ADAP1: variants seen among roughly 807,000 people sequenced by gnomAD.
ADAP1 encodes the protein arf-GAP with dual PH domain-containing protein 1.
Under a neutral mutation model 54.9 loss-of-function variants are expected in ADAP1, and 31 were observed. The ratio of observed to expected loss-of-function variants is 0.56; its 90% confidence interval spans 0.42 to 0.76. The LOEUF (loss-of-function observed/expected upper bound fraction) is 0.76, where lower values mean the gene tolerates loss of function less well. Ranked by LOEUF, ADAP1 falls within the 30% of genes least tolerant of loss-of-function variation. The pLI is 0.00. For missense variants in ADAP1, 535 were observed against 512.4 expected, an observed-to-expected ratio of 1.04 and a Z score of -0.42; for synonymous variants, 313 against 202.6, an observed-to-expected ratio of 1.55 and a Z score of -4.63.
chr7:943,317 G>T (rs1193592337), intron 1 of ADAP1, among the ~76,000 whole-genome samples: 1 of 17,800 alleles, frequency 5.6e-5, no homozygotes, highest in Non-Finnish European at 1.0e-4. Context: ...GGAGAGAGGA[G>T]GAGGAAGGGA....
chr7:945,186 C>T lies in ADAP1; in HGVS notation c.82+9210G>A, dbSNP rs912996509. Among the ~76,000 whole-genome samples the T allele has an allele frequency of 2.6e-5, 4 of 152,218 alleles. No homozygotes were observed. On this transcript the variant is annotated intron_variant, in intron 1 of 10. Coordinates refer to ENST00000265846, the MANE Select transcript of ADAP1 (RefSeq NM_006869.4). The surrounding 1 kb of genome is among the most constrained non-coding windows in gnomAD (Gnocchi z 4.2). The stretch of plus-strand genomic sequence containing the variant: ...TGTTTTCCAAGTGACTGAGGCTGGG[C>T]TGGGCAGGCCTCCTTCTCAGGCTGC...
intron 1 of ADAP1, among the ~76,000 whole-genome samples, chr7:952,514 A>G (rs1847295825): frequency 6.6e-6 from 1 of 152,156 alleles, no homozygotes; most frequent in Non-Finnish European, 1.5e-5. Context: ...GCAAAGAAGC[A>G]TAGAGCCCTC....
At chr7:901,860 A>G (rs1583117058) in intron 6 of ADAP1, among the ~76,000 whole-genome samples, 1 of 145,002 alleles carries the variant, frequency 6.9e-6, no homozygotes. Flanking sequence ...CACTGCCCCA[A>G]AGGCCTTGGG....
chr7:933,829 A>G (rs865897621), intron 2 of ADAP1, among the ~76,000 whole-genome samples: 36 of 22,462 alleles, frequency 1.6e-3, no homozygotes, highest in South Asian at 5.2e-3. Context: ...AGAGCCGGGG[A>G]CCGGGGTCAG....
Position 919,916 on chromosome 7 carries a change from G to A in ADAP1, c.388+52C>T, listed in dbSNP as rs552110129. On this transcript the variant is annotated intron_variant, in intron 4 of 10. Coordinates refer to ENST00000265846, the MANE Select transcript of ADAP1 (RefSeq NM_006869.4). Reference sequence around the variant, plus strand: ...GGGAAAGAGATGGGGGAGGGAGGGAGAGAGCCAGGGAGAGGTAGCCGGGAG... The same window carrying A: ...GGGAAAGAGATGGGGGAGGGAGGGAAAGAGCCAGGGAGAGGTAGCCGGGAG... 9.4e-4 allele frequency: 1,295 copies of A among 1,377,626 alleles called. 18 individuals are homozygous for A. The highest frequency in any genetic ancestry group is 8.1e-3 in the South Asian group (677 of 83,314). The allele number at this position is 1,377,626 out of a possible 1,614,324, so 85.3% of individuals were successfully genotyped here.
At chr7:905,695 GAGAAAGGAGAAAGGA>G (rs1845200566) in intron 4 of ADAP1, 1 of 85,860 alleles carries the variant, frequency 1.2e-5, no homozygotes, top group Non-Finnish European at 2.6e-5. Flanking sequence ...AAGGAGAAAG[GAGAAAGGAGAAAGGA>G]GAAAGGAGAA....
chr7:914,300 G>C (rs112538958), intron 4 of ADAP1, among the ~76,000 whole-genome samples: 2 of 152,196 alleles, frequency 1.3e-5, no homozygotes, highest in African/African-American at 2.4e-5. Flanking sequence ...CCTTCCTCCC[G>C]GGCCCTGCCG....
intron 1 of ADAP1, among the ~76,000 whole-genome samples, chr7:948,683 C>T (rs1218707269): frequency 6.6e-6 from 1 of 152,018 alleles, no homozygotes; most frequent in Non-Finnish European, 1.5e-5. Context: ...GTTTACGGGG[C>T]ATCCAAGATT....
At position 946,454 on chromosome 7, in the gene ADAP1, C is replaced by T. The variant is rs941471407; in HGVS notation, c.82+7942G>A. Among the ~76,000 whole-genome samples the T allele has an allele frequency of 4.6e-5, 7 of 152,208 alleles. No individual in the cohort carries two copies. Among genetic ancestry groups the T allele is most frequent in the Non-Finnish European group, 7.3e-5 (5 of 68,034 alleles). On this transcript the variant is annotated intron_variant, in intron 1 of 10. Transcript: ENST00000265846. The surrounding 1 kb of genome is among the most constrained non-coding windows in gnomAD (Gnocchi z 4.3). ...CAGGACCCAGATCCGCTGGCCCCTA[C>T]CCGGTTCAGGGACACGTGCCCCTCT...
intron 4 of ADAP1, among the ~76,000 whole-genome samples, chr7:915,997 C>T (rs1413392125): frequency 6.6e-6 from 1 of 152,236 alleles, no homozygotes; most frequent in African/African-American, 2.4e-5. Context: ...CTGCCACCTG[C>T]ACGCACCCCC....
intron 4 of ADAP1, among the ~76,000 whole-genome samples, chr7:913,700 C>A (rs1014527957): frequency 1.3e-5 from 2 of 151,908 alleles, no homozygotes; most frequent in African/African-American, 4.8e-5. Flanking sequence ...TTTGGGAGGC[C>A]GAGGCGGGCG....
intron 2 of ADAP1, among the ~76,000 whole-genome samples, chr7:932,290 G>A (rs1025222255): frequency 7.9e-5 from 12 of 151,972 alleles, no homozygotes; most frequent in Admixed American, 4.6e-4. Context: ...CTTCCTCTCC[G>A]GCCATCACCC....
chr7:905,389 A>AGGAGAAG lies in ADAP1; in HGVS notation c.389-218_389-217insCTTCTCC. 7.3e-6 allele frequency: 2 copies of AGGAGAAG among 272,918 alleles called. 1 individual carries two copies. Among genetic ancestry groups the AGGAGAAG allele is most frequent in the South Asian group, 9.3e-5 (2 of 21,460 alleles). 16.9% of individuals were successfully genotyped at this position (272,918 alleles called of 1,614,324 possible). ...GGGAAAGGGAAAGGAGAAAGGAGAAAGGAGAAAGGAGAAAGGAGAAAGGGA... is the reference window on the plus strand; with the variant it reads ...GGGAAAGGGAAAGGAGAAAGGAGAAAGGAGAAGGGAGAAAGGAGAAAGGAGAAAGGGA... On this transcript the variant is annotated intron_variant, in intron 4 of 10. Transcript: ENST00000265846.
In ADAP1 at chr7:901,026, G is replaced by T. The variant is rs73672458; in HGVS notation, c.649-410C>A. 1,366 of 474,880 alleles carry T rather than the reference G, an allele frequency of 2.9e-3. 20 individuals carry two copies. Among genetic ancestry groups the T allele is most frequent in the African/African-American group, 7.3e-3 (369 of 50,352 alleles). The allele number at this position is 474,880 out of a possible 1,614,324, so 29.4% of individuals were successfully genotyped here. On this transcript the variant is annotated intron_variant, in intron 6 of 10. Coordinates refer to ENST00000265846, the MANE Select transcript of ADAP1 (RefSeq NM_006869.4). ...TGAAGATCCTTATTTTGTAGCTCAA[G>T]CAAGTCTTGGGGTGGTGGGAGAAGG... is the stretch of plus-strand genomic sequence containing the variant.
At chr7:950,851 C>T (rs538529468) in intron 1 of ADAP1, among the ~76,000 whole-genome samples, 97 of 111,594 alleles carry the variant, frequency 8.7e-4, no homozygotes, top group Admixed American at 1.5e-3. Context: ...AGCAAGACTC[C>T]GTCTCAAAAA....
Position 937,523 on chromosome 7 carries a change from T to C in ADAP1, c.83-2018A>G, listed in dbSNP as rs71518358. 1.3e-3 allele frequency among the ~76,000 whole-genome samples: 30 copies of C among 22,250 alleles called. 6 individuals are homozygous for C. The highest frequency in any genetic ancestry group is 5.6e-3 in the East Asian group (3 of 534). 14.6% of individuals were successfully genotyped at this position (22,250 alleles called of 152,430 possible). ...CCCGGCCTCTGGGATTTGGAGGTCATGCCCGACCTCTGGGATTTGGGGGTC... is the reference window on the plus strand; with the variant it reads ...CCCGGCCTCTGGGATTTGGAGGTCACGCCCGACCTCTGGGATTTGGGGGTC... On this transcript the variant is annotated intron_variant, in intron 1 of 10. Transcript: ENST00000265846.
chr7:947,217 T>G (rs1034637992), intron 1 of ADAP1, among the ~76,000 whole-genome samples: 3 of 132,674 alleles, frequency 2.3e-5, no homozygotes, highest in African/African-American at 6.5e-5. Context: ...TTTTTTGGTT[T>G]TTTTTTTTTT....
rs1397009559 is a variant in ADAP1, at chr7:935,411, G to A, written c.177C>T (p.Ser59=). 1.9e-6 allele frequency: 3 copies of A among 1,560,748 alleles called. No individual in the cohort carries two copies. Among genetic ancestry groups the A allele is most frequent in the Non-Finnish European group, 1.7e-6 (2 of 1,152,128 alleles). Residue 59 remains serine (S), a synonymous_variant, in exon 2 of 11, where the codon TCC becomes TCT. Transcript: ENST00000265846. ...RNIPQVSKVK[S]VRLDAWEEAQ... ...CCTCCTCCCAGGCGTCCAGGCGGAC[G>A]GACTTCACCTTGCTGACCTGGGGGA...
At position 899,028 on chromosome 7, in the gene ADAP1, C is replaced by G; in HGVS notation, c.1096+5G>C. 1 of 1,609,840 alleles carries G rather than the reference C, an allele frequency of 6.2e-7. No individual in the cohort carries two copies. The highest frequency in any genetic ancestry group is 8.5e-7 in the Non-Finnish European group (1 of 1,179,778). On this transcript the variant is annotated splice_donor_5th_base_variant and intron_variant, in intron 10 of 10. Transcript: ENST00000265846. ...TCCAGGCCGCCGGCCGCCCGCCCCCCTCACCTGCGTACTCCTGGGGCAGCA... is the reference window on the plus strand; with the variant it reads ...TCCAGGCCGCCGGCCGCCCGCCCCCGTCACCTGCGTACTCCTGGGGCAGCA...
Sources: gnomAD v4.1 joint callset for allele counts (sites outside exome capture counted in the v4.1 genomes callset) on GRCh38, gnomAD v4.1.1 for gene constraint, Gnocchi (gnomAD v3.1) non-coding constraint, MANE v1.5 for transcripts, NCBI Gene and HGNC (gene_info 2026-07-23, HGNC 2026-07-21) for gene names.